The following RICTOR variants were observed in gnomAD, a reference collection of about 807,000 sequenced individuals.
RICTOR encodes rapamycin-insensitive companion of mTOR.
A neutral mutation model predicts 214.9 loss-of-function variants in RICTOR; 49 were observed. The ratio of observed to expected loss-of-function variants is 0.23; its 90% CI spans 0.18 to 0.29. The LOEUF is 0.29. RICTOR is among the 10% of genes least tolerant of loss of function. RICTOR has a pLI of 1.00. For synonymous variants in RICTOR, 717 were observed against 711.3 expected (o/e 1.01, Z -0.13); for missense variants, 1,625 against 2,047.0 (o/e 0.79, Z 3.98).
At chr5:38,943,415 G>A (rs1194368384) in intron 36 of RICTOR, among the ~76,000 whole-genome samples, 2 of 152,170 alleles carry the variant, frequency 1.3e-5, no homozygotes, top group Non-Finnish European at 2.9e-5. Context: ...TGAGTTGGGT[G>A]AGTGACCAGT....
chr5:38,958,375 C>G, intron 24 of RICTOR, 68 bp downstream of exon 24: 1 of 962,258 alleles, frequency 1.0e-6, no homozygotes, highest in Non-Finnish European at 1.7e-6. Flanking sequence ...GGATTTGAAT[C>G]TATCTTTAAT....
At chr5:39,021,271 A>C in intron 2 of RICTOR, 135 bp from the exon 3 acceptor site, 2 of 638,918 alleles carry the variant, frequency 3.1e-6, no homozygotes, top group East Asian at 5.3e-5. Flanking sequence ...AAATCTGTTA[A>C]TTTAAATGAC....
chr5:38,959,260 A>T lies in RICTOR; in HGVS notation c.2113T>A (p.Leu705Met). The T allele has an allele frequency of 6.2e-7, 1 of 1,600,698 alleles. No individual in the cohort carries two copies. The highest frequency in any genetic ancestry group is 8.5e-7 in the Non-Finnish European group (1 of 1,172,180). The change falls in exon 22 of 38, where the codon TTG (leucine) becomes ATG (methionine). Residue 705 changes from leucine to methionine, a missense_variant. By Grantham distance (15) the Leu-to-Met change is conservative. Transcript: ENST00000357387. ...GCCAATCCATCTCTGCTATAGTCCA[A>T]GCTAGAAACAGTAAGTTTTAGCAAG... ...DHLLKLTVSS[L>M]DYSRDGLARV...
intron 15 of RICTOR, among the ~76,000 whole-genome samples, chr5:38,965,215 T>C (rs1407223562): frequency 1.3e-5 from 2 of 151,948 alleles, no homozygotes; most frequent in African/African-American, 4.8e-5. Flanking sequence ...TGTCAAAACA[T>C]TACAGGAATC....
chr5:39,042,896 A>G (rs1432729640), intron 2 of RICTOR, among the ~76,000 whole-genome samples: 1 of 152,200 alleles, frequency 6.6e-6, no homozygotes, highest in Non-Finnish European at 1.5e-5. Context: ...AAAAAAATGC[A>G]GGGAGCCATG....
rs1749098271 is a variant in RICTOR, at chr5:38,954,755, A to C, written c.2697+19T>G. 7.1e-7 allele frequency: 1 copy of C among 1,410,314 alleles called. No homozygotes were observed. The highest frequency in any genetic ancestry group is 1.0e-6 in the Non-Finnish European group (1 of 997,916). 87.4% of individuals were successfully genotyped at this position (1,410,314 alleles called of 1,614,324 possible). On this transcript the variant is annotated intron_variant, in intron 27 of 37. Coordinates refer to ENST00000357387, the MANE Select transcript of RICTOR (RefSeq NM_152756.5). ...TTTTACTATTGTAGCTACTTAAAATAAGTGAATTATGTTTTTACCTGTACT... is the reference window on the plus strand; with the variant it reads ...TTTTACTATTGTAGCTACTTAAAATCAGTGAATTATGTTTTTACCTGTACT...
chr5:38,986,148 T>C (rs1017710441), intron 7 of RICTOR, among the ~76,000 whole-genome samples: 18 of 152,126 alleles, frequency 1.2e-4, no homozygotes, highest in Admixed American at 1.0e-3. Context: ...GACTGAATTA[T>C]GGGGCGGTTT....
chr5:39,019,668 G>A (rs1442832050), intron 3 of RICTOR, among the ~76,000 whole-genome samples: 2 of 152,152 alleles, frequency 1.3e-5, no homozygotes, highest in Admixed American at 1.3e-4. Flanking sequence ...AGTCACCCAA[G>A]AGTTGACAGT....
intron 7 of RICTOR, among the ~76,000 whole-genome samples, chr5:38,990,731 T>TATGATATATCTGATATATATCAG (rs1752652175): frequency 1.6e-5 from 2 of 122,998 alleles, no homozygotes; most frequent in African/African-American, 6.0e-5. Context: ...ATATATCATA[T>TATGATATATCTGATATATATCAG]ATATGATATA....
In RICTOR at chr5:38,942,207, T is replaced by C. The variant is rs1747644455; in HGVS notation, c.*97A>G. 2 of 678,178 alleles carry C rather than the reference T, an allele frequency of 2.9e-6. No homozygotes were observed. The highest frequency in any genetic ancestry group is 3.9e-5 in the Admixed American group (2 of 51,248). 42.0% of individuals were successfully genotyped at this position (678,178 alleles called of 1,614,324 possible). On this transcript the variant is annotated 3_prime_UTR_variant, in exon 38 of 38. Transcript: ENST00000357387. Reference sequence around the variant, plus strand: ...GAACAGTGTACAGAAGATACTCCTGTCTTTGCTGCCTAGTCAGTCGTATTT... The same window carrying C: ...GAACAGTGTACAGAAGATACTCCTGCCTTTGCTGCCTAGTCAGTCGTATTT...
chr5:39,046,370 C>T (rs1338544134), intron 2 of RICTOR, among the ~76,000 whole-genome samples: 2 of 130,420 alleles, frequency 1.5e-5, no homozygotes, highest in Non-Finnish European at 3.3e-5. Flanking sequence ...TCTCTAAAAA[C>T]AAAATTAAAA....
chr5:38,966,661 A>G lies in RICTOR; in HGVS notation c.1279T>C (p.Leu427=). The G allele has an allele frequency of 1.3e-6, 2 of 1,576,116 alleles. No homozygotes were observed. The highest frequency in any genetic ancestry group is 1.7e-6 in the Non-Finnish European group (2 of 1,148,260). ...DHISVRATIL[L]GELLHMANTI... is the part of the protein sequence containing the mutation. ...CTTACCATATGTAAAAGCTCTCCTA[A>G]AAGGATGGTAGCTCTAACTGAGATA... Residue 427 remains leucine (L), a synonymous_variant, in exon 15 of 38, where the codon TTA becomes CTA. Coordinates refer to ENST00000357387, the MANE Select transcript of RICTOR (RefSeq NM_152756.5).
At position 38,945,604 on chromosome 5, in the gene RICTOR, G is replaced by C. The variant is rs1467345473; in HGVS notation, c.4520C>G (p.Thr1507Arg). Reference protein sequence around the residue: ...HSDASLFLESTEDTGLQEHTD... With the variant: ...HSDASLFLESREDTGLQEHTD... Reference sequence around the variant, plus strand: ...ATGTTCCTGTAGTCCAGTGTCTTCTGTACTTTCTAAAAACAGAGAGGCATC... The same window carrying C: ...ATGTTCCTGTAGTCCAGTGTCTTCTCTACTTTCTAAAAACAGAGAGGCATC... The change falls in exon 34 of 38, where the codon ACA (threonine) becomes AGA (arginine). Residue 1507 changes from threonine to arginine, a missense_variant. Thr to Arg is a moderately conservative substitution (Grantham distance 71). Around this residue, in one of 5 missense-constraint regions of RICTOR, gnomAD observed 1,214 missense variants for 1,470.5 expected, o/e 0.83. Transcript: ENST00000357387. The C allele has an allele frequency of 6.2e-7, 1 of 1,613,440 alleles. No homozygotes were observed. Among genetic ancestry groups the C allele is most frequent in the South Asian group, 1.1e-5 (1 of 91,072 alleles).
In RICTOR at chr5:39,054,322, G is replaced by A. The variant is rs1436596802; in HGVS notation, c.97+19789C>T. On this transcript the variant is annotated intron_variant, in intron 2 of 37. Transcript: ENST00000357387. ...AAGCACTCACAGCCCACATGTCTTA[G>A]TGCTGGATAGGTGGGACGACAGTGG... 2.6e-5 allele frequency among the ~76,000 whole-genome samples: 4 copies of A among 152,132 alleles called. No individual in the cohort carries two copies. In the East Asian group the frequency reaches 5.8e-4, roughly 22 times the overall value.
intron 7 of RICTOR, among the ~76,000 whole-genome samples, chr5:38,990,694 A>G (rs1461024164): frequency 7.6e-6 from 1 of 131,186 alleles, no homozygotes; most frequent in African/African-American, 2.8e-5. Flanking sequence ...CATATATATG[A>G]TATATATCAG....
intron 2 of RICTOR, among the ~76,000 whole-genome samples, chr5:39,066,516 T>G (rs1734672102): frequency 6.6e-6 from 1 of 152,272 alleles, no homozygotes; most frequent in Admixed American, 6.5e-5. Flanking sequence ...AGCACGTGGT[T>G]GCTCTATAGC....
chr5:39,017,048 T>C (rs1222591911), intron 3 of RICTOR, among the ~76,000 whole-genome samples: 1 of 152,182 alleles, frequency 6.6e-6, no homozygotes, highest in Non-Finnish European at 1.5e-5. Context: ...GCTCACATTA[T>C]ATTTCTATTA....
At chr5:38,964,768 C>T (rs1159535210) in intron 16 of RICTOR, 24 bp downstream of exon 16, 1 of 1,240,034 alleles carries the variant, frequency 8.1e-7, no homozygotes, top group Admixed American at 2.0e-5. Context: ...CAAACAAAAG[C>T]TTTGCTAAAG....
At chr5:38,949,681 A>T (rs1748541310) in intron 31 of RICTOR, 31 bp downstream of exon 31, 2 of 1,568,912 alleles carry the variant, frequency 1.3e-6, no homozygotes, top group South Asian at 2.3e-5. Context: ...TGCAACCATT[A>T]TTGGTCACTT....
Sources: allele counts gnomAD v4.1 joint callset (sites outside exome capture counted in the v4.1 genomes callset), GRCh38; gene constraint gnomAD v4.1.1; regional missense constraint gnomAD v4.1.1; transcripts MANE v1.5; gene names NCBI Gene and HGNC (gene_info 2026-07-23, HGNC 2026-07-21).